CDH18: variants seen among roughly 807,000 people sequenced by gnomAD.
CDH18 encodes cadherin 18.
A neutral mutation model predicts 67.9 loss-of-function variants in CDH18; 31 were observed. That is an observed-to-expected ratio of 0.46 (90% CI 0.34 to 0.62). The LOEUF (loss-of-function observed/expected upper bound fraction) is 0.62, where lower values mean the gene tolerates loss of function less well. Among genes scored for constraint, CDH18 ranks in the 20% least tolerant of loss-of-function variants. The probability of loss-of-function intolerance (pLI) is 0.01; values close to 1 mark genes in which losing one functional copy is unlikely to be tolerated. For synonymous variants in CDH18, 362 were observed against 347.2 expected (o/e 1.04, Z -0.48); for missense variants, 890 against 975.5 (o/e 0.91, Z 1.17).
intron 1 of CDH18, among the ~76,000 whole-genome samples, chr5:20,537,438 T>C (rs1756792350): frequency 6.6e-6 from 1 of 152,128 alleles, no homozygotes; most frequent in African/African-American, 2.4e-5. Flanking sequence ...TTACTTAATG[T>C]TTACACATAT....
chr5:20,560,350 G>A (rs567879586), intron 1 of CDH18, among the ~76,000 whole-genome samples: 5 of 151,888 alleles, frequency 3.3e-5, no homozygotes, highest in South Asian at 2.1e-4. Flanking sequence ...AATACATGTC[G>A]ATGAAAATTT....
chr5:19,859,089 C>T (rs1784599670), intron 2 of CDH18, among the ~76,000 whole-genome samples: 1 of 152,100 alleles, frequency 6.6e-6, no homozygotes, highest in South Asian at 2.1e-4. Context: ...AAATCAACGC[C>T]ATTGTAAACC....
chr5:19,702,105 C>A (rs555508159), intron 5 of CDH18, among the ~76,000 whole-genome samples: 96 of 151,544 alleles, frequency 6.3e-4, no homozygotes, highest in Non-Finnish European at 1.2e-3. Context: ...TGCCGAAGCT[C>A]CCCGCTACAC....
chr5:19,780,643 T>C (rs1239475547), intron 3 of CDH18, among the ~76,000 whole-genome samples: 2 of 152,158 alleles, frequency 1.3e-5, no homozygotes, highest in Non-Finnish European at 2.9e-5. Flanking sequence ...TGATTCTTTT[T>C]TCATTTCTGC....
rs912744032 is a variant in CDH18 at position 19,662,044 on chromosome 5, T to C, written c.644-49443A>G. On this transcript the variant is annotated intron_variant, in intron 5 of 12. Transcript: ENST00000382275. Reference sequence around the variant, plus strand: ...AACTGTGTTAACATGACCGTGCCCATAGGGTGAACTAATGGCAATGCGTGG... The same window carrying C: ...AACTGTGTTAACATGACCGTGCCCACAGGGTGAACTAATGGCAATGCGTGG... Among the ~76,000 whole-genome samples the C allele has an allele frequency of 2.6e-5, 4 of 151,908 alleles. No homozygotes were observed. The Admixed American group carries it at 2.6e-4, about 10-fold the overall frequency.
intron 1 of CDH18, among the ~76,000 whole-genome samples, chr5:20,493,356 T>TAGAAAAAAA (rs1753703033): frequency 2.1e-5 from 1 of 47,194 alleles, no homozygotes; most frequent in Non-Finnish European, 3.5e-5. Context: ...TTCAGAAAAT[T>TAGAAAAAAA]AAAAAAAAAA....
chr5:20,571,871 G>GA (rs1241252444), intron 1 of CDH18, among the ~76,000 whole-genome samples: 1 of 152,000 alleles, frequency 6.6e-6, no homozygotes, highest in African/African-American at 2.4e-5. Context: ...AGCACCATTT[G>GA]AAAAAAGCTT....
intron 1 of CDH18, among the ~76,000 whole-genome samples, chr5:20,561,979 G>A (rs1244752716): frequency 6.6e-6 from 1 of 151,698 alleles, no homozygotes; most frequent in Non-Finnish European, 1.5e-5. Context: ...TGCCTCACAA[G>A]TTCCAAATCA....
intron 2 of CDH18, among the ~76,000 whole-genome samples, chr5:19,993,503 C>T (rs983521993): frequency 5.9e-5 from 9 of 152,154 alleles, no homozygotes; most frequent in African/African-American, 1.9e-4. Context: ...GTTAGCCTCA[C>T]CAGATTGCAT....
intron 1 of CDH18, among the ~76,000 whole-genome samples, chr5:20,392,169 C>G (rs978062289): frequency 1.3e-5 from 2 of 151,790 alleles, no homozygotes; most frequent in African/African-American, 4.8e-5. Context: ...TATTCACCAT[C>G]TTATTTCACA....
Position 19,656,524 on chromosome 5 carries a change from T to C in CDH18, c.644-43923A>G, listed in dbSNP as rs368688817. ...TTATTTCGTTTGGACAGCTTAGAAA[T>C]GTAGATGAGTTTAAGAAAATTATTC... On this transcript the variant is annotated intron_variant, in intron 5 of 12. Coordinates refer to ENST00000382275, the MANE Select transcript of CDH18 (RefSeq NM_004934.5). Among the ~76,000 whole-genome samples the C allele has an allele frequency of 2.0e-5, 3 of 152,064 alleles. No homozygotes were observed. The South Asian group carries it at 6.2e-4, about 32-fold the overall frequency.
At chr5:20,062,790 T>C (rs1375330340) in intron 2 of CDH18, among the ~76,000 whole-genome samples, 4 of 152,128 alleles carry the variant, frequency 2.6e-5, no homozygotes, top group Non-Finnish European at 4.4e-5. Context: ...TTTAAATAAA[T>C]TAAATTTAGG....
In CDH18 at chr5:20,435,114, G is replaced by A. The variant is rs140312071; in HGVS notation, c.-580+140348C>T. Among the ~76,000 whole-genome samples, 20 of 152,088 alleles carry A rather than the reference G, an allele frequency of 1.3e-4. No individual in the cohort carries two copies. The East Asian group carries it at 3.9e-3, about 29-fold the overall frequency. ...GATGCAATTTAGAAATGAAGAAACA[G>A]TAGTGACCGTTCCCTCTCCCCACCA... On this transcript the variant is annotated intron_variant, in intron 1 of 14. Coordinates refer to the CDH18 transcript ENST00000507958.
At chr5:20,565,283 GTT>G (rs1184147386) in intron 1 of CDH18, among the ~76,000 whole-genome samples, 4 of 29,162 alleles carry the variant, frequency 1.4e-4, no homozygotes, top group African/African-American at 3.7e-4. Flanking sequence ...TAGACCTAAA[GTT>G]GTTGTTGTTG....
chr5:19,788,929 T>C (rs1407645388), intron 3 of CDH18, among the ~76,000 whole-genome samples: 1 of 152,172 alleles, frequency 6.6e-6, no homozygotes, highest in African/African-American at 2.4e-5. Context: ...GCCTTATTAG[T>C]TAGCGATAGG....
At chr5:20,325,414 T>A (rs929264479) in intron 1 of CDH18, among the ~76,000 whole-genome samples, 2 of 152,216 alleles carry the variant, frequency 1.3e-5, no homozygotes. Flanking sequence ...CCATGGGCTA[T>A]ACACGTATCA....
chr5:19,961,949 G>A (rs1202078523), intron 2 of CDH18, among the ~76,000 whole-genome samples: 3 of 151,682 alleles, frequency 2.0e-5, no homozygotes, highest in Non-Finnish European at 1.5e-5. Flanking sequence ...TTCTCTGCAA[G>A]TTTTTTAAAT....
At chr5:20,329,939 A>C in intron 1 of CDH18, among the ~76,000 whole-genome samples, 1 of 152,104 alleles carries the variant, frequency 6.6e-6, no homozygotes, top group East Asian at 1.9e-4. Context: ...TTAGTACAGT[A>C]ATATTTTCTA....
intron 1 of CDH18, among the ~76,000 whole-genome samples, chr5:20,486,220 T>G (rs1010347046): frequency 6.6e-6 from 1 of 152,136 alleles, no homozygotes; most frequent in African/African-American, 2.4e-5. Context: ...TTTTGAGTCA[T>G]TTCATTAAGT....
Sources: allele counts gnomAD v4.1 joint callset (sites outside exome capture counted in the v4.1 genomes callset), GRCh38; gene constraint gnomAD v4.1.1; transcripts MANE v1.5; gene names NCBI Gene and HGNC (gene_info 2026-07-23, HGNC 2026-07-21).